SPAG9: variants seen among roughly 807,000 people sequenced by gnomAD.
The protein encoded by SPAG9 is sperm associated antigen 9.
Under a neutral mutation model 166.5 loss-of-function variants are expected in SPAG9, and 35 were observed. The ratio of observed to expected loss-of-function variants is 0.21; its 90% confidence interval spans 0.16 to 0.28. The LOEUF (loss-of-function observed/expected upper bound fraction) is 0.28, where lower values mean the gene tolerates loss of function less well. SPAG9 is among the 10% of genes least tolerant of loss of function. SPAG9 has a pLI of 1.00. For missense variants in SPAG9, 1,235 were observed against 1,603.3 expected, an observed-to-expected ratio of 0.77 and a Z score of 3.92; for synonymous variants, 534 against 565.5, an observed-to-expected ratio of 0.94 and a Z score of 0.79.
intron 4 of SPAG9, among the ~76,000 whole-genome samples, chr17:51,046,334 C>T (rs577567067): frequency 4.0e-4 from 61 of 152,206 alleles, no homozygotes; most frequent in African/African-American, 1.5e-3. Flanking sequence ...AGCTATAATC[C>T]TAACTGATGG....
chr17:51,008,524 C>A (rs551525234), intron 9 of SPAG9, among the ~76,000 whole-genome samples: 2 of 151,808 alleles, frequency 1.3e-5, no homozygotes, highest in East Asian at 1.9e-4. Context: ...AAACTACATA[C>A]GACAAAGGAG....
At chr17:51,003,083 T>C (rs1282229154) in intron 12 of SPAG9, among the ~76,000 whole-genome samples, 1 of 150,068 alleles carries the variant, frequency 6.7e-6, no homozygotes, top group Non-Finnish European at 1.5e-5. Context: ...AAAATAAAAT[T>C]AAATTAATAG....
chr17:51,101,345 CA>C (rs60896400), intron 1 of SPAG9, among the ~76,000 whole-genome samples: 7,133 of 91,708 alleles, frequency 0.078, 94 homozygotes, highest in African/African-American at 0.11. Context: ...GATTCTGTCT[CA>C]AAAAAAAAAA....
At chr17:51,119,554 A>AG (rs1333267956) in intron 1 of SPAG9, among the ~76,000 whole-genome samples, 1 of 152,186 alleles carries the variant, frequency 6.6e-6, no homozygotes, top group Non-Finnish European at 1.5e-5. Flanking sequence ...TAGAGTTAAC[A>AG]GGTGGCCAAA....
In SPAG9 at chr17:50,975,113, A is replaced by C. The variant is rs181858548; in HGVS notation, c.3524-166T>G. 4.7e-4 allele frequency: 277 copies of C among 587,242 alleles called. No individual in the cohort carries two copies. The East Asian group carries it at 8.8e-3, about 19-fold the overall frequency. The allele number at this position is 587,242 out of a possible 1,614,324, so 36.4% of individuals were successfully genotyped here. A position where few individuals can be genotyped will look rare whatever the true frequency, so the allele number is the denominator to read the frequency against. Reference sequence around the variant, plus strand: ...ACAAAGCTGGGAAAAAAAGAGATACAGCATGCTAGTTATTTTTAAGTACCT... The same window carrying C: ...ACAAAGCTGGGAAAAAAAGAGATACCGCATGCTAGTTATTTTTAAGTACCT... On this transcript the variant is annotated intron_variant, in intron 27 of 29. Coordinates refer to ENST00000262013, the MANE Select transcript of SPAG9 (RefSeq NM_001130528.3).
At position 51,080,415 on chromosome 17, in the gene SPAG9, T is replaced by C. The variant is rs925026017; in HGVS notation, c.304-711A>G. 3.9e-5 allele frequency among the ~76,000 whole-genome samples: 6 copies of C among 152,126 alleles called. No individual in the cohort carries two copies. The South Asian group carries it at 1.2e-3, about 32-fold the overall frequency. On this transcript the variant is annotated intron_variant, in intron 1 of 29. Coordinates refer to ENST00000262013, the MANE Select transcript of SPAG9 (RefSeq NM_001130528.3). ...TCTTAACATTGGCATGCTCCGTCCT[T>C]GGACACATCTTCTCTTCCTTGTTTA...
At chr17:51,075,792 C>G (rs2047953151) in intron 2 of SPAG9, among the ~76,000 whole-genome samples, 1 of 152,000 alleles carries the variant, frequency 6.6e-6, no homozygotes, top group African/African-American at 2.4e-5. Flanking sequence ...TCACTGTACT[C>G]CAGCCTGGGA....
intron 1 of SPAG9, among the ~76,000 whole-genome samples, chr17:51,104,513 G>A (rs1020545818): frequency 6.6e-6 from 1 of 152,140 alleles, no homozygotes; most frequent in South Asian, 2.1e-4. Context: ...GCGCTTGCCT[G>A]TAATCCCAGC....
chr17:50,976,121 A>G (rs1429261669), intron 27 of SPAG9, among the ~76,000 whole-genome samples: 2 of 152,078 alleles, frequency 1.3e-5, no homozygotes, highest in Non-Finnish European at 2.9e-5. Context: ...AATCTGATTT[A>G]TGGTGTTTTT....
chr17:50,981,429 G>GATGGATGT (rs1043221912), intron 25 of SPAG9, among the ~76,000 whole-genome samples: 2 of 151,612 alleles, frequency 1.3e-5, no homozygotes, highest in African/African-American at 4.9e-5. Context: ...TGGATGGATG[G>GATGGATGT]ATAGACAGCC....
At chr17:51,086,794 T>C (rs953490925) in intron 1 of SPAG9, among the ~76,000 whole-genome samples, 1 of 151,976 alleles carries the variant, frequency 6.6e-6, no homozygotes, top group African/African-American at 2.4e-5. Flanking sequence ...TGGTGGCAGG[T>C]GTGTGTAATC....
intron 29 of SPAG9, among the ~76,000 whole-genome samples, chr17:50,967,226 C>A (rs1181621686): frequency 6.6e-6 from 1 of 152,144 alleles, no homozygotes; most frequent in Non-Finnish European, 1.5e-5. Flanking sequence ...TTGGCACAAC[C>A]CAGTGAAAAG....
At chr17:51,101,121 G>A (rs1229189535) in intron 1 of SPAG9, among the ~76,000 whole-genome samples, 1 of 152,018 alleles carries the variant, frequency 6.6e-6, no homozygotes, top group Non-Finnish European at 1.5e-5. Context: ...GCCAAGGCAG[G>A]TGGATCACGA....
At chr17:51,061,082 G>A (rs568823476) in intron 2 of SPAG9, among the ~76,000 whole-genome samples, 17 of 151,420 alleles carry the variant, frequency 1.1e-4, no homozygotes, top group Middle Eastern at 3.4e-3. Flanking sequence ...TCCTGACCTC[G>A]TGATCCACCC....
intron 2 of SPAG9, among the ~76,000 whole-genome samples, chr17:51,074,456 A>T (rs970484698): frequency 2.0e-5 from 3 of 152,202 alleles, no homozygotes; most frequent in Admixed American, 2.0e-4. Flanking sequence ...ATTTCGTGTT[A>T]TCAACTTCGT....
At chr17:51,050,663 G>A (rs73346159) in intron 3 of SPAG9, among the ~76,000 whole-genome samples, 1 of 149,752 alleles carries the variant, frequency 6.7e-6, no homozygotes, top group Non-Finnish European at 1.5e-5. Flanking sequence ...ACACAAAAAA[G>A]AACAAAAATT....
intron 2 of SPAG9, among the ~76,000 whole-genome samples, chr17:51,073,185 G>A (rs758790340): frequency 2.6e-5 from 4 of 152,052 alleles, no homozygotes; most frequent in Non-Finnish European, 5.9e-5. Context: ...AAAATTTTCC[G>A]GGCGTGGTGG....
intron 3 of SPAG9, among the ~76,000 whole-genome samples, chr17:51,050,554 G>C (rs1055056325): frequency 2.0e-5 from 3 of 152,256 alleles, no homozygotes; most frequent in Non-Finnish European, 1.5e-5. Flanking sequence ...CAGGCAATGA[G>C]CCCATTGTCC....
intron 2 of SPAG9, among the ~76,000 whole-genome samples, chr17:51,077,634 CAGTCCTCCG>C (rs1326116755): frequency 6.6e-6 from 1 of 151,928 alleles, no homozygotes; most frequent in East Asian, 1.9e-4. Context: ...GTCCATCATG[CAGTCCTCCG>C]AGATTTCAAA....
Sources: allele counts gnomAD v4.1 joint callset (sites outside exome capture counted in the v4.1 genomes callset), GRCh38; gene constraint gnomAD v4.1.1; transcripts MANE v1.5; gene names NCBI Gene and HGNC (gene_info 2026-07-23, HGNC 2026-07-21).